CUBN: variants seen among roughly 807,000 people sequenced by gnomAD.
CUBN encodes cubilin.
CUBN carries 282 observed loss-of-function variants against 405.3 expected under a neutral mutation model. That is an observed-to-expected ratio of 0.70 (90% CI 0.63 to 0.77). CUBN has a LOEUF of 0.77. Ranked by LOEUF, CUBN falls within the 30% of genes least tolerant of loss-of-function variation. The probability of loss-of-function intolerance (pLI) is 0.00; values close to 1 mark genes in which losing one functional copy is unlikely to be tolerated. For synonymous variants in CUBN, 1,684 were observed against 1,617.0 expected (o/e 1.04, Z -0.99); for missense variants, 4,514 against 4,475.2 (o/e 1.01, Z -0.25).
Position 17,004,935 on chromosome 10 carries a change from G to A in CUBN, c.4169-14420C>T, listed in dbSNP as rs1370967068. 5.9e-5 allele frequency among the ~76,000 whole-genome samples: 9 copies of A among 152,068 alleles called. 1 individual carries two copies. The highest frequency in any genetic ancestry group is 1.3e-4 in the Non-Finnish European group (9 of 68,020). On this transcript the variant is annotated intron_variant, in intron 28 of 66. Coordinates refer to ENST00000377833, the MANE Select transcript of CUBN (RefSeq NM_001081.4). ...GGCCTCCCGAAGTGCTGGGATTATA[G>A]GTGTGAGCCACTGCACCCAGCCCTA...
Position 16,824,638 on chromosome 10 carries a change from A to T in CUBN, c.*337T>A. On this transcript the variant is annotated 3_prime_UTR_variant, in exon 67 of 67. Transcript: ENST00000377833. ...TGGGTTCAAGCAATTCTCCTGCCTC[A>T]GCCTCTCGAGTGGCTGGAATTACAG... 2.9e-6 allele frequency: 1 copy of T among 340,038 alleles called. No homozygotes were observed. The highest frequency in any genetic ancestry group is 5.8e-6 in the Non-Finnish European group (1 of 173,356). 21.1% of individuals were successfully genotyped at this position (340,038 alleles called of 1,614,324 possible). A position where few individuals can be genotyped will look rare whatever the true frequency, so the allele number is the denominator to read the frequency against.
chr10:17,103,358 G>T, intron 12 of CUBN, 121 bp from the exon 13 acceptor site: 1 of 704,916 alleles, frequency 1.4e-6, no homozygotes. Context: ...GGAGATAAAA[G>T]CCCTGCCATT....
At chr10:16,864,659 T>TTC (rs1179167989) in intron 59 of CUBN, among the ~76,000 whole-genome samples, 26 of 134,710 alleles carry the variant, frequency 1.9e-4, no homozygotes, top group African/African-American at 8.3e-4. Flanking sequence ...TTTTCTTTCT[T>TTC]TTTTTTTTTT....
At chr10:17,084,526 T>C (rs1349335994) in intron 16 of CUBN, 65 bp from the exon 17 acceptor site, 2 of 1,419,142 alleles carry the variant, frequency 1.4e-6, no homozygotes, top group East Asian at 2.4e-5. Flanking sequence ...AGGCATTGGA[T>C]CCAATTTCTA....
Position 17,124,026 on chromosome 10 carries a change from G to A in CUBN, c.388-337C>T, listed in dbSNP as rs7900736. ...GTGGACAGGAGTAAAGGTTTCAGGT[G>A]TGGAAATAATAATGGATGTTGCTAT... On this transcript the variant is annotated intron_variant, in intron 4 of 66. Coordinates refer to ENST00000377833, the MANE Select transcript of CUBN (RefSeq NM_001081.4). 5.5e-3 allele frequency among the ~76,000 whole-genome samples: 834 copies of A among 152,320 alleles called. 6 individuals carry two copies. Among genetic ancestry groups the A allele is most frequent in the African/African-American group, 0.018 (748 of 41,558 alleles).
intron 65 of CUBN, among the ~76,000 whole-genome samples, chr10:16,829,785 T>C (rs1838919971): frequency 6.6e-6 from 1 of 151,934 alleles, no homozygotes; most frequent in Non-Finnish European, 1.5e-5. Context: ...TAGTGGAGCA[T>C]TTTGGGCAAC....
chr10:16,893,242 C>T (rs1368912911), intron 54 of CUBN, among the ~76,000 whole-genome samples: 1 of 152,162 alleles, frequency 6.6e-6, no homozygotes, highest in Non-Finnish European at 1.5e-5. Context: ...GATTCACATA[C>T]ATTTGTAAGA....
rs555443457 is a variant in CUBN at position 17,124,393 on chromosome 10, C to CT, written c.388-705dup. 6.3e-4 allele frequency among the ~76,000 whole-genome samples: 95 copies of CT among 151,836 alleles called. 1 individual carries two copies. The East Asian group carries it at 8.3e-3, about 13-fold the overall frequency. On this transcript the variant is annotated intron_variant, in intron 4 of 66. Transcript: ENST00000377833. ...CTGCCTTTGGGTGCAGAGAAAACTT[C>CT]TTTTTTTTCTTTTTTCTTTTTTCTT...
chr10:17,011,933 T>TC (rs1198154046), intron 28 of CUBN, among the ~76,000 whole-genome samples: 2 of 151,808 alleles, frequency 1.3e-5, no homozygotes, highest in African/African-American at 2.4e-5. Context: ...CACCTCTTAA[T>TC]CCCCCCTCTA....
chr10:17,024,245 T>A (rs1280064212), intron 27 of CUBN, among the ~76,000 whole-genome samples: 1 of 152,046 alleles, frequency 6.6e-6, no homozygotes, highest in Non-Finnish European at 1.5e-5. Flanking sequence ...AGAGATCCAA[T>A]TTTTTTGTAA....
intron 22 of CUBN, among the ~76,000 whole-genome samples, chr10:17,056,226 T>C (rs1835392317): frequency 6.6e-6 from 1 of 152,070 alleles, no homozygotes; most frequent in African/African-American, 2.4e-5. Context: ...AAATACCATT[T>C]GCTAAACACA....
intron 29 of CUBN, among the ~76,000 whole-genome samples, chr10:16,987,891 T>A (rs1833471834): frequency 6.6e-6 from 1 of 152,128 alleles, no homozygotes; most frequent in Non-Finnish European, 1.5e-5. Flanking sequence ...CCCAAATATT[T>A]AAGAGCCTCA....
Position 16,835,097 on chromosome 10 carries a change from C to T in CUBN, c.10279G>A (p.Ala3427Thr). The change falls in exon 64 of 67, where the codon GCC (alanine) becomes ACC (threonine). Residue 3427 changes from alanine to threonine, a missense_variant. Ala to Thr is a moderately conservative substitution (Grantham distance 58). Coordinates refer to ENST00000377833, the MANE Select transcript of CUBN (RefSeq NM_001081.4). ...AGGGAAATGGTGTGGTTCTGGGGGG[C>T]TGTGAGAGTAACGGTGCAATCCTTG... Reference protein sequence around the residue: ...NDKDCTVTLTAPQNHTISLFF... With the variant: ...NDKDCTVTLTTPQNHTISLFF... The T allele has an allele frequency of 6.2e-7, 1 of 1,614,092 alleles. No homozygotes were observed. Among genetic ancestry groups the T allele is most frequent in the Non-Finnish European group, 8.5e-7 (1 of 1,179,998 alleles).
At chr10:17,123,369 T>A (rs978769022) in intron 5 of CUBN, 1 of 600,272 alleles carries the variant, frequency 1.7e-6, no homozygotes, top group African/African-American at 1.9e-5. Flanking sequence ...AGTTATCCAA[T>A]CAAGTGAACC....
chr10:17,029,271 T>G (rs1020280733), intron 27 of CUBN, among the ~76,000 whole-genome samples: 3 of 152,242 alleles, frequency 2.0e-5, no homozygotes, highest in Non-Finnish European at 4.4e-5. Context: ...AATCCTTCAT[T>G]GTGAAAGATG....
chr10:16,908,112 T>C (rs2131440034), intron 48 of CUBN, among the ~76,000 whole-genome samples: 1 of 152,324 alleles, frequency 6.6e-6, no homozygotes, highest in East Asian at 1.9e-4. Flanking sequence ...ATGTACATAA[T>C]AAAGCAGATA....
intron 43 of CUBN, among the ~76,000 whole-genome samples, chr10:16,921,376 C>T (rs962093424): frequency 6.6e-6 from 1 of 152,072 alleles, no homozygotes; most frequent in African/African-American, 2.4e-5. Context: ...GGATCAAGTT[C>T]CCATCCTACT....
chr10:17,089,780 T>C (rs933729809), intron 14 of CUBN, among the ~76,000 whole-genome samples: 1 of 152,128 alleles, frequency 6.6e-6, no homozygotes, highest in Non-Finnish European at 1.5e-5. Context: ...AAAAATACAA[T>C]ACGACAAGTG....
At chr10:16,931,233 C>T (rs369645514) in intron 40 of CUBN, among the ~76,000 whole-genome samples, 6 of 150,626 alleles carry the variant, frequency 4.0e-5, no homozygotes, top group South Asian at 2.1e-4. Context: ...CACTGCAGTC[C>T]GGCCTGGACA....
Sources: allele counts gnomAD v4.1 joint callset (sites outside exome capture counted in the v4.1 genomes callset), GRCh38; gene constraint gnomAD v4.1.1; transcripts MANE v1.5; gene names NCBI Gene and HGNC (gene_info 2026-07-23, HGNC 2026-07-21).